Variants in ALPL observed in about 807,000 individuals in gnomAD.
ALPL encodes the protein alkaline phosphatase, biomineralization associated.
In ALPL, 42 loss-of-function variants were observed where a neutral mutation model predicts 51.3. The ratio of observed to expected loss-of-function variants is 0.82; its 90% confidence interval spans 0.64 to 1.06. The LOEUF is 1.06. Among genes scored for constraint, ALPL ranks in the 50% least tolerant of loss-of-function variants. The pLI, the probability that ALPL is intolerant of heterozygous loss-of-function variation, is 0.00. For missense variants in ALPL, 589 were observed against 709.4 expected (o/e 0.83, Z 1.93); for synonymous variants, 279 against 296.4 (o/e 0.94, Z 0.60).
At chr1:21,512,411 G>A (rs1643707586) in intron 1 of ALPL, among the ~76,000 whole-genome samples, 1 of 152,076 alleles carries the variant, frequency 6.6e-6, no homozygotes, top group South Asian at 2.1e-4. Context: ...TTCCAACTTT[G>A]GGCTGAACCA....
intron 1 of ALPL, among the ~76,000 whole-genome samples, chr1:21,537,464 G>A (rs1644124196): frequency 1.3e-5 from 2 of 152,324 alleles, no homozygotes; most frequent in South Asian, 2.1e-4. Flanking sequence ...CTGCGATCAC[G>A]GGAAAGTACA....
intron 1 of ALPL, among the ~76,000 whole-genome samples, chr1:21,534,142 G>A (rs1416005651): frequency 6.6e-6 from 1 of 152,096 alleles, no homozygotes; most frequent in Non-Finnish European, 1.5e-5. Context: ...GTGCCACCAT[G>A]CCTGGCTAAT....
At chr1:21,544,431 A>C (rs1211047593) in intron 1 of ALPL, among the ~76,000 whole-genome samples, 9 of 152,222 alleles carry the variant, frequency 5.9e-5, no homozygotes, top group Admixed American at 5.9e-4. Context: ...GAACCTGACC[A>C]AAAAGGGGGA....
At chr1:21,538,023 G>A (rs149650959) in intron 1 of ALPL, among the ~76,000 whole-genome samples, 2,139 of 152,314 alleles carry the variant, frequency 0.014, 29 homozygotes, top group Non-Finnish European at 0.022. Context: ...ATGGCTTTGC[G>A]TGTAAAGTGC....
chr1:21,572,247 A>G (rs940272063), intron 8 of ALPL, among the ~76,000 whole-genome samples: 1 of 152,202 alleles, frequency 6.6e-6, no homozygotes. Flanking sequence ...TGGGTCTCCC[A>G]TGAGGTCACA....
At chr1:21,510,218 C>A (rs183608018) in intron 1 of ALPL, among the ~76,000 whole-genome samples, 256 of 152,292 alleles carry the variant, frequency 1.7e-3, no homozygotes, top group African/African-American at 6.0e-3. Context: ...CCTGCCCAGT[C>A]TTGGTAAGAA....
chr1:21,549,566 T>C (rs1040411097), intron 1 of ALPL, among the ~76,000 whole-genome samples: 2 of 151,968 alleles, frequency 1.3e-5, no homozygotes, highest in African/African-American at 2.4e-5. Flanking sequence ...CTCTGCTTCC[T>C]GGGTTCAAGT....
chr1:21,561,869 G>T (rs562340651), intron 4 of ALPL, among the ~76,000 whole-genome samples: 2 of 152,090 alleles, frequency 1.3e-5, no homozygotes, highest in African/African-American at 4.8e-5. Flanking sequence ...GTTTCACCCT[G>T]TTGGCCAGGC....
intron 1 of ALPL, among the ~76,000 whole-genome samples, chr1:21,541,986 T>C (rs970868664): frequency 2.0e-5 from 3 of 152,306 alleles, no homozygotes; most frequent in South Asian, 2.1e-4. Context: ...AGTCCTTCCT[T>C]GGATCTGACC....
At chr1:21,531,939 C>T (rs1469153429) in intron 1 of ALPL, among the ~76,000 whole-genome samples, 1 of 151,890 alleles carries the variant, frequency 6.6e-6, no homozygotes, top group Non-Finnish European at 1.5e-5. Flanking sequence ...CTTCCATCTC[C>T]CAGGAGATTC....
In ALPL at chr1:21,577,560, A is replaced by G. The variant is rs1644757200; in HGVS notation, c.1487A>G (p.His496Arg). 1 of 1,604,628 alleles carries G rather than the reference A, an allele frequency of 6.2e-7. No homozygotes were observed. ...GCCTGCATCGGGGCCAACCTCGGCC[A>G]CTGTGCTCCTGCCAGCTCGGCAGGC... ...YAACIGANLG[H>R]CAPASSAGSL... The change falls in exon 12 of 12, where the codon CAC becomes CGC. Residue 496 changes from histidine to arginine, a missense_variant. Coordinates refer to ENST00000374840, the MANE Select transcript of ALPL (RefSeq NM_000478.6).
At chr1:21,570,176 G>T in intron 7 of ALPL, 129 bp from the exon 8 acceptor site, 1 of 864,804 alleles carries the variant, frequency 1.2e-6, no homozygotes, top group Non-Finnish European at 1.9e-6. Context: ...GGGATGGTGG[G>T]TCCTCAGGGA....
At chr1:21,511,818 A>C (rs1643693163) in intron 1 of ALPL, among the ~76,000 whole-genome samples, 1 of 152,134 alleles carries the variant, frequency 6.6e-6, no homozygotes, top group Non-Finnish European at 1.5e-5. Flanking sequence ...TTACATACCC[A>C]ACATTCCCTG....
intron 1 of ALPL, among the ~76,000 whole-genome samples, chr1:21,550,592 ATG>A (rs1162741383): frequency 3.3e-5 from 5 of 152,102 alleles, no homozygotes; most frequent in Non-Finnish European, 2.9e-5. Flanking sequence ...GTAGAGAAAA[ATG>A]TGTGTATCAT....
At chr1:21,529,783 GT>G (rs1644003899) in intron 1 of ALPL, among the ~76,000 whole-genome samples, 1 of 151,118 alleles carries the variant, frequency 6.6e-6, no homozygotes, top group Non-Finnish European at 1.5e-5. Context: ...ATTTTGTTTC[GT>G]TTTTTTGAGA....
chr1:21,542,172 C>G (rs1644195155), intron 1 of ALPL, among the ~76,000 whole-genome samples: 1 of 152,192 alleles, frequency 6.6e-6, no homozygotes, highest in Admixed American at 6.5e-5. Context: ...GACTCTGCAG[C>G]TGAAATGTTA....
chr1:21,518,626 T>C (rs1381022624), intron 1 of ALPL, among the ~76,000 whole-genome samples: 3 of 152,164 alleles, frequency 2.0e-5, no homozygotes, highest in Non-Finnish European at 1.5e-5. Context: ...TATAAACTGT[T>C]GTCAGATTAC....
intron 1 of ALPL, among the ~76,000 whole-genome samples, chr1:21,541,173 C>T (rs1285873599): frequency 6.6e-6 from 1 of 152,162 alleles, no homozygotes; most frequent in African/African-American, 2.4e-5. Flanking sequence ...CCCTCATCTG[C>T]CCCACTTGCC....
intron 1 of ALPL, among the ~76,000 whole-genome samples, chr1:21,552,152 CCTTTTCTCCTTTT>C (rs1644339453): frequency 7.7e-6 from 1 of 130,258 alleles, no homozygotes; most frequent in Non-Finnish European, 1.6e-5. Flanking sequence ...CTCCCTCCTT[CCTTTTCTCCTTTT>C]CTTTTTCTCT....
Sources: allele counts gnomAD v4.1 joint callset (sites outside exome capture counted in the v4.1 genomes callset), GRCh38; gene constraint gnomAD v4.1.1; transcripts MANE v1.5; gene names NCBI Gene and HGNC (gene_info 2026-07-23, HGNC 2026-07-21).